ZHX3: variants seen among roughly 807,000 people sequenced by gnomAD.
ZHX3 encodes zinc fingers and homeoboxes 3, also known as zinc fingers and homeoboxes protein 3.
In ZHX3, 20 loss-of-function variants were observed where a neutral mutation model predicts 64.5. That is an observed-to-expected ratio of 0.31 (90% CI 0.22 to 0.45). The LOEUF (loss-of-function observed/expected upper bound fraction) is 0.45, where lower values mean the gene tolerates loss of function less well. Ranked by LOEUF, ZHX3 falls within the 20% of genes least tolerant of loss-of-function variation. The pLI is 1.00. For synonymous variants in ZHX3, 423 were observed against 461.6 expected, an observed-to-expected ratio of 0.92 and a Z score of 1.07; for missense variants, 1,041 against 1,195.8, an observed-to-expected ratio of 0.87 and a Z score of 1.91.
chr20:41,187,470 A>G (rs2036618148), intron 3 of ZHX3, among the ~76,000 whole-genome samples: 1 of 152,098 alleles, frequency 6.6e-6, no homozygotes, highest in African/African-American at 2.4e-5. Flanking sequence ...ACAAGGTAAG[A>G]GTATAATTTC....
At chr20:41,242,162 T>A (rs2041423154) in intron 2 of ZHX3, among the ~76,000 whole-genome samples, 1 of 152,166 alleles carries the variant, frequency 6.6e-6, no homozygotes, top group African/African-American at 2.4e-5. Flanking sequence ...TGGATAAAAT[T>A]ATAGGATGTC....
chr20:41,232,203 A>G lies in ZHX3; in HGVS notation c.-150-27137T>C, dbSNP rs2040653072. ...AAGGGTGACTTAATAACCATCTTCA[A>G]TCATTGTTATTACACAGAGAATGAT... On this transcript the variant is annotated intron_variant, in intron 2 of 3. Transcript: ENST00000683867. This position sits in a 1 kb window ranked among gnomAD's most constrained non-coding sequence, Gnocchi z 5.0. Among the ~76,000 whole-genome samples the G allele has an allele frequency of 6.6e-6, 1 of 152,202 alleles. No individual in the cohort carries two copies. The highest frequency in any genetic ancestry group is 6.5e-5 in the Admixed American group (1 of 15,278).
chr20:41,231,892 T>C (rs1295156988), intron 2 of ZHX3, among the ~76,000 whole-genome samples: 1 of 152,186 alleles, frequency 6.6e-6, no homozygotes, highest in Admixed American at 6.5e-5. Flanking sequence ...ATAATATTTA[T>C]AAAGTATATC....
At chr20:41,280,312 T>G (rs989365690) in intron 1 of ZHX3, among the ~76,000 whole-genome samples, 1 of 152,172 alleles carries the variant, frequency 6.6e-6, no homozygotes, top group African/African-American at 2.4e-5. Context: ...ACCAATTGCC[T>G]GGGCCCCACC....
rs116849238 is a variant in ZHX3, at chr20:41,232,503, G to A, written c.-150-27437C>T. 6.2e-3 allele frequency among the ~76,000 whole-genome samples: 941 copies of A among 152,264 alleles called. 5 individuals carry two copies. The highest frequency in any genetic ancestry group is 0.011 in the Non-Finnish European group (721 of 68,012). ...GGCTAGTCCTCAAATGAATCACGTA[G>A]CATACAACCACAGGAGTGGAAAAGA... On this transcript the variant is annotated intron_variant, in intron 2 of 3. Transcript: ENST00000683867. This position sits in a 1 kb window ranked among gnomAD's most constrained non-coding sequence, Gnocchi z 5.0.
intron 1 of ZHX3, among the ~76,000 whole-genome samples, chr20:41,304,441 A>G (rs2044914738): frequency 6.6e-6 from 1 of 152,090 alleles, no homozygotes; most frequent in African/African-American, 2.4e-5. Context: ...CTCAAACTCA[A>G]CATGGCTAAA....
chr20:41,196,368 ATATT>A (rs1243573858), intron 3 of ZHX3, among the ~76,000 whole-genome samples: 4 of 89,106 alleles, frequency 4.5e-5, no homozygotes, highest in Non-Finnish European at 7.9e-5. Flanking sequence ...ATAAATATAT[ATATT>A]TATATAACAT....
chr20:41,317,455 G>C (rs1600687554), intron 1 of ZHX3, 54 bp downstream of exon 1: 2 of 151,104 alleles, frequency 1.3e-5, no homozygotes, highest in South Asian at 4.1e-4. Flanking sequence ...ACAGACACCG[G>C]GGACTGACAG....
chr20:41,239,489 C>T (rs2041241866), intron 2 of ZHX3: 1 of 152,478 alleles, frequency 6.6e-6, no homozygotes, highest in African/African-American at 2.4e-5. Context: ...TTCCCAAAGT[C>T]CTCAGCAAGC....
chr20:41,281,569 T>C (rs1279404883), intron 1 of ZHX3, among the ~76,000 whole-genome samples: 1 of 151,814 alleles, frequency 6.6e-6, no homozygotes, highest in Non-Finnish European at 1.5e-5. Context: ...TAGGAAAGAG[T>C]AGCAGACATA....
intron 2 of ZHX3, among the ~76,000 whole-genome samples, chr20:41,241,479 G>C (rs923100609): frequency 6.6e-6 from 1 of 152,002 alleles, no homozygotes; most frequent in African/African-American, 2.4e-5. Flanking sequence ...TTTGTTAATT[G>C]TTCCCCTTGC....
chr20:41,289,918 T>C (rs2044143108), intron 1 of ZHX3, among the ~76,000 whole-genome samples: 1 of 152,200 alleles, frequency 6.6e-6, no homozygotes, highest in Admixed American at 6.5e-5. Flanking sequence ...AGTTGTAGTT[T>C]CAACAAAAAG....
chr20:41,256,534 C>A (rs1206308235), intron 2 of ZHX3, among the ~76,000 whole-genome samples: 2 of 151,560 alleles, frequency 1.3e-5, no homozygotes, highest in African/African-American at 4.9e-5. Context: ...TTACCCAGAG[C>A]TGTCCTATCT....
intron 2 of ZHX3, among the ~76,000 whole-genome samples, chr20:41,246,892 A>C (rs866828320): frequency 4.8e-5 from 7 of 146,892 alleles, no homozygotes; most frequent in African/African-American, 1.1e-4. Context: ...AACCAAACAA[A>C]CAAACAAACA....
rs957443703 is a variant in ZHX3, at chr20:41,201,429, A to C, written c.2860+628T>G. The stretch of plus-strand genomic sequence containing the variant: ...TAACATGACTTGTCTGTGGCTTCAA[A>C]ACTATGTCTTAAATAAAAATAATCT... On this transcript the variant is annotated intron_variant, in intron 3 of 3. Coordinates refer to ENST00000683867, the MANE Select transcript of ZHX3 (RefSeq NM_001384317.1). This position sits in a 1 kb window ranked among gnomAD's most constrained non-coding sequence, Gnocchi z 5.0. 8.0e-7 allele frequency: 1 copy of C among 1,249,608 alleles called. No homozygotes were observed. The highest frequency in any genetic ancestry group is 1.5e-5 in the African/African-American group (1 of 64,686). The allele number at this position is 1,249,608 out of a possible 1,614,324, so 77.4% of individuals were successfully genotyped here. A position where few individuals can be genotyped will look rare whatever the true frequency, so the allele number is the denominator to read the frequency against.
At chr20:41,280,570 T>G (rs1264810256) in intron 1 of ZHX3, among the ~76,000 whole-genome samples, 1 of 152,134 alleles carries the variant, frequency 6.6e-6, no homozygotes, top group Non-Finnish European at 1.5e-5. Context: ...GCTATGTTTT[T>G]CTGTTTTTTT....
intron 2 of ZHX3, among the ~76,000 whole-genome samples, chr20:41,241,280 C>T (rs1040329687): frequency 6.6e-6 from 1 of 152,152 alleles, no homozygotes; most frequent in Admixed American, 6.5e-5. Flanking sequence ...AGCACTTTTT[C>T]CTATGCCCGT....
Position 41,219,751 on chromosome 20 carries a change from A to G in ZHX3, c.-150-14685T>C, listed in dbSNP as rs1039936672. On this transcript the variant is annotated intron_variant, in intron 2 of 3. Coordinates refer to ENST00000683867, the MANE Select transcript of ZHX3 (RefSeq NM_001384317.1). This position sits in a 1 kb window ranked among gnomAD's most constrained non-coding sequence, Gnocchi z 5.0. Reference sequence around the variant, plus strand: ...CTGGGCCTTGCCCTCCACTGGATGCATTGAATTTCCCTGCCTACCTGAAGT... The same window carrying G: ...CTGGGCCTTGCCCTCCACTGGATGCGTTGAATTTCCCTGCCTACCTGAAGT... 1.3e-5 allele frequency among the ~76,000 whole-genome samples: 2 copies of G among 152,250 alleles called. No individual in the cohort carries two copies. Among genetic ancestry groups the G allele is most frequent in the African/African-American group, 4.8e-5 (2 of 41,472 alleles).
intron 1 of ZHX3, among the ~76,000 whole-genome samples, chr20:41,277,429 G>A (rs566236213): frequency 2.6e-5 from 4 of 151,818 alleles, no homozygotes; most frequent in Non-Finnish European, 4.4e-5. Context: ...TTGAGAAAAA[G>A]GTATATTTTT....
Sources: gnomAD v4.1 joint callset for allele counts (sites outside exome capture counted in the v4.1 genomes callset) on GRCh38, gnomAD v4.1.1 for gene constraint, Gnocchi (gnomAD v3.1) non-coding constraint, MANE v1.5 for transcripts, NCBI Gene and HGNC (gene_info 2026-07-23, HGNC 2026-07-21) for gene names.